CNTN5: variants seen among roughly 807,000 people sequenced by gnomAD.
CNTN5 encodes contactin-5.
In CNTN5, 77 loss-of-function variants were observed where a neutral mutation model predicts 129.1. The observed-to-expected ratio is 0.60, with a 90% CI of 0.50 to 0.72. The LOEUF (loss-of-function observed/expected upper bound fraction) is 0.72. CNTN5 is among the 30% of genes least tolerant of loss of function. The pLI, the probability that CNTN5 is intolerant of heterozygous loss-of-function variation, is 0.00. For synonymous variants in CNTN5, 509 were observed against 465.6 expected (o/e 1.09, Z -1.20); for missense variants, 1,478 against 1,328.8 (o/e 1.11, Z -1.75).
At chr11:99,084,357 G>A (rs1156957673) in intron 1 of CNTN5, among the ~76,000 whole-genome samples, 1 of 152,016 alleles carries the variant, frequency 6.6e-6, no homozygotes, top group African/African-American at 2.4e-5. Flanking sequence ...AATCCTATTT[G>A]GCCCTAGGCA....
intron 1 of CNTN5, among the ~76,000 whole-genome samples, chr11:99,225,014 G>A (rs1010716747): frequency 6.6e-5 from 10 of 151,912 alleles, no homozygotes; most frequent in Non-Finnish European, 1.0e-4. Context: ...GAAGTTAGAA[G>A]GAAATTAAGT....
chr11:100,247,516 C>A (rs778595429), intron 16 of CNTN5, among the ~76,000 whole-genome samples: 1 of 152,040 alleles, frequency 6.6e-6, no homozygotes, highest in East Asian at 1.9e-4. Context: ...TCATGAGTAA[C>A]GTAATGGTGG....
At chr11:99,037,468 C>G (rs1024361260) in intron 1 of CNTN5, among the ~76,000 whole-genome samples, 1 of 151,852 alleles carries the variant, frequency 6.6e-6, no homozygotes, top group Non-Finnish European at 1.5e-5. Flanking sequence ...AATTGAGTCA[C>G]AGTACTACCA....
At position 99,875,606 on chromosome 11, in the gene CNTN5, C is replaced by T. The variant is rs554080937; in HGVS notation, c.577+30344C>T. 5.3e-5 allele frequency among the ~76,000 whole-genome samples: 8 copies of T among 152,208 alleles called. No individual in the cohort carries two copies. The South Asian group carries it at 1.7e-3, about 32-fold the overall frequency. ...TATAGCTCCTGGAAAACTTCAGCTT[C>T]CTCAGATATACCTCCCTAATCTCTC... On this transcript the variant is annotated intron_variant, in intron 6 of 24. Transcript: ENST00000524871.
chr11:100,202,573 C>T (rs572492409), intron 15 of CNTN5, among the ~76,000 whole-genome samples: 2 of 150,424 alleles, frequency 1.3e-5, no homozygotes, highest in East Asian at 3.9e-4. Flanking sequence ...TAAAAGCAGC[C>T]GTATAAGTCA....
intron 2 of CNTN5, among the ~76,000 whole-genome samples, chr11:99,395,859 T>C (rs1398319658): frequency 6.6e-6 from 1 of 151,654 alleles, no homozygotes; most frequent in Non-Finnish European, 1.5e-5. Flanking sequence ...TCTTAGATGT[T>C]TGGCCTTATT....
At chr11:99,270,039 T>C (rs918267313) in intron 1 of CNTN5, among the ~76,000 whole-genome samples, 1 of 151,794 alleles carries the variant, frequency 6.6e-6, no homozygotes, top group Non-Finnish European at 1.5e-5. Context: ...TGTGTGCCCT[T>C]CTTAATCTCT....
chr11:100,288,020 C>T (rs1203194866), intron 18 of CNTN5, among the ~76,000 whole-genome samples: 1 of 152,012 alleles, frequency 6.6e-6, no homozygotes, highest in Non-Finnish European at 1.5e-5. Context: ...AAGGCCATTA[C>T]ATAATGGTAA....
chr11:99,253,744 G>A (rs968061990), intron 1 of CNTN5, among the ~76,000 whole-genome samples: 1 of 150,984 alleles, frequency 6.6e-6, no homozygotes, highest in Non-Finnish European at 1.5e-5. Flanking sequence ...TTTTTATATT[G>A]TTTTCACACT....
intron 3 of CNTN5, among the ~76,000 whole-genome samples, chr11:99,669,846 A>T (rs1000935460): frequency 6.6e-6 from 1 of 152,146 alleles, no homozygotes; most frequent in Non-Finnish European, 1.5e-5. Context: ...TTCTCATTCA[A>T]CACCCTGTCT....
intron 3 of CNTN5, among the ~76,000 whole-genome samples, chr11:99,654,264 T>C (rs1164265196): frequency 1.3e-5 from 2 of 152,112 alleles, no homozygotes; most frequent in African/African-American, 4.8e-5. Flanking sequence ...TTTATGGAGC[T>C]AAAATATATG....
intron 3 of CNTN5, among the ~76,000 whole-genome samples, chr11:99,678,971 A>G (rs28546587): frequency 2.3e-4 from 34 of 147,586 alleles, no homozygotes; most frequent in Non-Finnish European, 3.6e-4. Context: ...CTCTCTCTAT[A>G]TATATATATA....
At chr11:99,926,650 A>G (rs1331391122) in intron 7 of CNTN5, among the ~76,000 whole-genome samples, 1 of 152,136 alleles carries the variant, frequency 6.6e-6, no homozygotes, top group South Asian at 2.1e-4. Context: ...CCTTGCTTCA[A>G]AATTAACTTT....
At chr11:99,364,968 A>G (rs1322991477) in intron 2 of CNTN5, among the ~76,000 whole-genome samples, 1 of 152,166 alleles carries the variant, frequency 6.6e-6, no homozygotes, top group East Asian at 1.9e-4. Flanking sequence ...AAGGGAAAAG[A>G]TTGGAGATAC....
intron 15 of CNTN5, among the ~76,000 whole-genome samples, chr11:100,219,337 A>G (rs1374135054): frequency 6.6e-6 from 1 of 152,256 alleles, no homozygotes; most frequent in Admixed American, 6.5e-5. Flanking sequence ...TGAGTTAAAC[A>G]GTCTCATCAT....
intron 3 of CNTN5, among the ~76,000 whole-genome samples, chr11:99,643,363 G>A (rs1334642428): frequency 6.6e-6 from 1 of 152,202 alleles, no homozygotes; most frequent in East Asian, 1.9e-4. Context: ...GTGATTAAGA[G>A]AATGGATATG....
intron 23 of CNTN5, among the ~76,000 whole-genome samples, chr11:100,348,864 T>C (rs1952343512): frequency 6.6e-6 from 1 of 152,046 alleles, no homozygotes; most frequent in Non-Finnish European, 1.5e-5. Flanking sequence ...CATATCACAC[T>C]TCTTTGCATT....
intron 3 of CNTN5, among the ~76,000 whole-genome samples, chr11:99,771,181 A>G (rs1944932604): frequency 6.6e-6 from 1 of 152,054 alleles, no homozygotes; most frequent in South Asian, 2.1e-4. Flanking sequence ...GCTGAAACAA[A>G]CTGGACTTTC....
At chr11:100,036,589 C>T (rs1408844843) in intron 9 of CNTN5, among the ~76,000 whole-genome samples, 3 of 147,904 alleles carry the variant, frequency 2.0e-5, no homozygotes, top group Admixed American at 6.8e-5. Flanking sequence ...ATTGATTCTT[C>T]CTACCCATGA....
Sources: allele counts gnomAD v4.1 joint callset (sites outside exome capture counted in the v4.1 genomes callset), GRCh38; gene constraint gnomAD v4.1.1; transcripts MANE v1.5; gene names NCBI Gene and HGNC (gene_info 2026-07-23, HGNC 2026-07-21).